LEPROT: variants seen among roughly 807,000 people sequenced by gnomAD.
LEPROT encodes leptin receptor overlapping transcript, also known as leptin receptor gene-related protein.
In LEPROT, 3 loss-of-function variants were observed where a neutral mutation model predicts 15.4. The observed-to-expected ratio is 0.19, with a 90% CI of 0.09 to 0.50. The LOEUF (loss-of-function observed/expected upper bound fraction) is 0.50, where lower values mean the gene tolerates loss of function less well. Among genes scored for constraint, LEPROT ranks in the 20% least tolerant of loss-of-function variants. The pLI, the probability that LEPROT is intolerant of heterozygous loss-of-function variation, is 0.97. For synonymous variants in LEPROT, 59 were observed against 57.5 expected (o/e 1.03, Z -0.12); for missense variants, 137 against 162.2 (o/e 0.84, Z 0.84).
intron 1 of LEPROT, chr1:65,421,602 A>T: frequency 1.1e-6 from 1 of 915,298 alleles, no homozygotes; most frequent in Non-Finnish European, 1.7e-6. Flanking sequence ...TATATATACG[A>T]GTACGCCTCT....
rs915418942 is a variant in LEPROT at position 65,432,030 on chromosome 1, C to T, written c.*111C>T. On this transcript the variant is annotated 3_prime_UTR_variant, in exon 4 of 4. Transcript: ENST00000371065. ...TTTAATATGCTGGGTTTTTTAATAC[C>T]TTTATATATCATGTTCACTTTAAGA... 2 of 1,435,234 alleles carry T rather than the reference C, an allele frequency of 1.4e-6. No homozygotes were observed. Among genetic ancestry groups the T allele is most frequent in the Admixed American group, 2.7e-5 (1 of 36,494 alleles). 88.9% of individuals were successfully genotyped at this position (1,435,234 alleles called of 1,614,324 possible).
intron 1 of LEPROT, among the ~76,000 whole-genome samples, chr1:65,425,030 G>A (rs544465489): frequency 1.3e-5 from 2 of 152,204 alleles, no homozygotes; most frequent in South Asian, 4.1e-4. Flanking sequence ...TTGAATTTGG[G>A]ACCTTTTTTT....
At chr1:65,424,512 G>C (rs563939538) in intron 1 of LEPROT, among the ~76,000 whole-genome samples, 1 of 151,672 alleles carries the variant, frequency 6.6e-6, no homozygotes, top group African/African-American at 2.4e-5. Context: ...ATAGGGGTTA[G>C]GTACTGGAAT....
chr1:65,430,995 A>G (rs1201686324), intron 3 of LEPROT, among the ~76,000 whole-genome samples: 2 of 152,194 alleles, frequency 1.3e-5, no homozygotes, highest in African/African-American at 4.8e-5. Context: ...AGAAGAATCC[A>G]GTGTGGTAGA....
chr1:65,432,724 A>AT lies in LEPROT; in HGVS notation c.*814dup, dbSNP rs771686222. On this transcript the variant is annotated 3_prime_UTR_variant, in exon 4 of 4. Transcript: ENST00000371065. ...GCCTCAGTTAGGAGGAATAAGTGTG[A>AT]TTTTTTTTTAAAGATCACTTGCACA... is the stretch of plus-strand genomic sequence containing the variant. 9.1e-4 allele frequency: 713 copies of AT among 779,578 alleles called. 1 individual carries two copies. Among genetic ancestry groups the AT allele is most frequent in the Non-Finnish European group, 9.9e-4 (635 of 642,714 alleles). 48.3% of individuals were successfully genotyped at this position (779,578 alleles called of 1,614,324 possible).
chr1:65,434,812 C>T lies in LEPROT; in HGVS notation c.*2893C>T. ...CTCCATCCTCCCTCCTGAGGTTCTT[C>T]ATATTCCAGAGTCACCCACCCTTCT... is the stretch of plus-strand genomic sequence containing the variant. On this transcript the variant is annotated 3_prime_UTR_variant, in exon 4 of 4. Coordinates refer to ENST00000371065, the MANE Select transcript of LEPROT (RefSeq NM_017526.5). 1.0e-6 allele frequency: 1 copy of T among 985,568 alleles called. No individual in the cohort carries two copies. The highest frequency in any genetic ancestry group is 1.2e-6 in the Non-Finnish European group (1 of 829,988). The allele number at this position is 985,568 out of a possible 1,614,324, so 61.1% of individuals were successfully genotyped here.
chr1:65,425,688 G>C (rs538652401), intron 2 of LEPROT, among the ~76,000 whole-genome samples: 1 of 152,306 alleles, frequency 6.6e-6, no homozygotes, highest in Admixed American at 6.5e-5. Context: ...ACAGGCAAAC[G>C]GTCTAGTCAG....
Position 65,432,633 on chromosome 1 carries a change from A to G in LEPROT, c.*714A>G, listed in dbSNP as rs1213755948. 9.1e-6 allele frequency: 9 copies of G among 985,062 alleles called. No individual in the cohort carries two copies. The South Asian group carries it at 2.4e-4, about 26-fold the overall frequency. The allele number at this position is 985,062 out of a possible 1,614,324, so 61.0% of individuals were successfully genotyped here. A position where few individuals can be genotyped will look rare whatever the true frequency, so the allele number is the denominator to read the frequency against. On this transcript the variant is annotated 3_prime_UTR_variant, in exon 4 of 4. Coordinates refer to ENST00000371065, the MANE Select transcript of LEPROT (RefSeq NM_017526.5). ...AAGTTCAGATGTTCAAGCCTATAAT[A>G]TTTAGGCAGTTCCTCAAATTTATGA... is the stretch of plus-strand genomic sequence containing the variant.
In LEPROT at chr1:65,434,132, G is replaced by A. The variant is rs1185388154; in HGVS notation, c.*2213G>A. On this transcript the variant is annotated 3_prime_UTR_variant, in exon 4 of 4. Coordinates refer to ENST00000371065, the MANE Select transcript of LEPROT (RefSeq NM_017526.5). Reference sequence around the variant, plus strand: ...ATCTTTAGATTGATATAAAGTACTTGCATATAGAGTATTTGAAGTGATAGA... The same window carrying A: ...ATCTTTAGATTGATATAAAGTACTTACATATAGAGTATTTGAAGTGATAGA... 4.1e-6 allele frequency: 4 copies of A among 983,832 alleles called. No homozygotes were observed. The highest frequency in any genetic ancestry group is 6.2e-5 in the Admixed American group (1 of 16,254). 60.9% of individuals were successfully genotyped at this position (983,832 alleles called of 1,614,324 possible).
In LEPROT at chr1:65,434,519, T is replaced by C. The variant is rs758473162; in HGVS notation, c.*2600T>C. 16 of 985,068 alleles carry C rather than the reference T, an allele frequency of 1.6e-5. No homozygotes were observed. The highest frequency in any genetic ancestry group is 1.8e-5 in the Non-Finnish European group (15 of 829,640). 61.0% of individuals were successfully genotyped at this position (985,068 alleles called of 1,614,324 possible). ...ACAATACTATGAATTGGTGATTGAG[T>C]TCCCAGGCCAAGCCTCCCTCAACAG... On this transcript the variant is annotated 3_prime_UTR_variant, in exon 4 of 4. Transcript: ENST00000371065.
chr1:65,429,719 A>G (rs1360861755), intron 2 of LEPROT, 143 bp from the exon 3 acceptor site: 3 of 669,972 alleles, frequency 4.5e-6, no homozygotes, highest in Non-Finnish European at 6.9e-6. Flanking sequence ...GGTAGAAATC[A>G]TCTTATGTTC....
In LEPROT at chr1:65,432,050, T is replaced by C; in HGVS notation, c.*131T>C. On this transcript the variant is annotated 3_prime_UTR_variant, in exon 4 of 4. Transcript: ENST00000371065. Reference sequence around the variant, plus strand: ...AATACCTTTATATATCATGTTCACTTTAAGAAAGACTTCATAAGTAGGAGA... The same window carrying C: ...AATACCTTTATATATCATGTTCACTCTAAGAAAGACTTCATAAGTAGGAGA... 7.2e-7 allele frequency: 1 copy of C among 1,381,364 alleles called. No individual in the cohort carries two copies. Among genetic ancestry groups the C allele is most frequent in the Non-Finnish European group, 9.4e-7 (1 of 1,068,030 alleles). The allele number at this position is 1,381,364 out of a possible 1,614,324, so 85.6% of individuals were successfully genotyped here.
chr1:65,432,822 A>G lies in LEPROT; in HGVS notation c.*903A>G. 1.6e-6 allele frequency: 1 copy of G among 610,978 alleles called. No individual in the cohort carries two copies. The highest frequency in any genetic ancestry group is 2.0e-6 in the Non-Finnish European group (1 of 488,198). The allele number at this position is 610,978 out of a possible 1,614,324, so 37.8% of individuals were successfully genotyped here. ...GAGAGTAAATTTCTAATGTTCTCATAAAAAAGTTAAATATTTGAGATCATA... is the reference window on the plus strand; with the variant it reads ...GAGAGTAAATTTCTAATGTTCTCATGAAAAAGTTAAATATTTGAGATCATA... On this transcript the variant is annotated 3_prime_UTR_variant, in exon 4 of 4. Transcript: ENST00000371065.
At chr1:65,426,411 G>C (rs1454695174) in intron 2 of LEPROT, among the ~76,000 whole-genome samples, 1 of 152,064 alleles carries the variant, frequency 6.6e-6, no homozygotes. Context: ...AATAGAACCT[G>C]GGAAAATATC....
chr1:65,431,827 G>T lies in LEPROT; in HGVS notation c.304G>T (p.Val102Leu). Reference protein sequence around the residue: ...AVIKWGACGLVLAGNAVIFLT... With the variant: ...AVIKWGACGLLLAGNAVIFLT... ...GATCAAATGGGGAGCCTGCGGCCTT[G>T]TGTTGGCAGGCAATGCAGTCATTTT... The change falls in exon 4 of 4, where the codon GTG becomes TTG. Residue 102 changes from valine (V) to leucine (L), a missense_variant. Physicochemically the swap from Val to Leu is conservative, Grantham distance 32 (BLOSUM62 1). Coordinates refer to ENST00000371065, the MANE Select transcript of LEPROT (RefSeq NM_017526.5). 1 of 1,613,820 alleles carries T rather than the reference G, an allele frequency of 6.2e-7. No homozygotes were observed. Among genetic ancestry groups the T allele is most frequent in the Non-Finnish European group, 8.5e-7 (1 of 1,179,866 alleles).
Position 65,432,834 on chromosome 1 carries a change from T to C in LEPROT, c.*915T>C. On this transcript the variant is annotated 3_prime_UTR_variant, in exon 4 of 4. Transcript: ENST00000371065. The stretch of plus-strand genomic sequence containing the variant: ...CTAATGTTCTCATAAAAAAGTTAAA[T>C]ATTTGAGATCATATGTTAATTAGTG... The C allele has an allele frequency of 1.6e-6, 1 of 642,424 alleles. No individual in the cohort carries two copies. The highest frequency in any genetic ancestry group is 1.9e-6 in the Non-Finnish European group (1 of 516,868). 39.8% of individuals were successfully genotyped at this position (642,424 alleles called of 1,614,324 possible). A position where few individuals can be genotyped will look rare whatever the true frequency, so the allele number is the denominator to read the frequency against.
chr1:65,432,470 A>C lies in LEPROT; in HGVS notation c.*551A>C, dbSNP rs1411962103. 1.7e-6 allele frequency: 1 copy of C among 600,982 alleles called. No individual in the cohort carries two copies. The highest frequency in any genetic ancestry group is 2.0e-5 in the African/African-American group (1 of 49,682). The allele number at this position is 600,982 out of a possible 1,614,324, so 37.2% of individuals were successfully genotyped here. Reference sequence around the variant, plus strand: ...GTTGTATGCACATGAAAGTTTGAGAAGCATCATCATAGAGAAGTAAACATC... The same window carrying C: ...GTTGTATGCACATGAAAGTTTGAGACGCATCATCATAGAGAAGTAAACATC... On this transcript the variant is annotated 3_prime_UTR_variant, in exon 4 of 4. Coordinates refer to ENST00000371065, the MANE Select transcript of LEPROT (RefSeq NM_017526.5).
In LEPROT at chr1:65,434,556, A is replaced by G. The variant is rs185071435; in HGVS notation, c.*2637A>G. 4.5e-4 allele frequency: 440 copies of G among 985,296 alleles called. No individual in the cohort carries two copies. The highest frequency in any genetic ancestry group is 5.0e-4 in the Non-Finnish European group (413 of 829,816). 61.0% of individuals were successfully genotyped at this position (985,296 alleles called of 1,614,324 possible). ...GCCTCCCTCAACAGGTTCAACTCTA[A>G]TATACCTAACCTGTGATACTGAAGG... On this transcript the variant is annotated 3_prime_UTR_variant, in exon 4 of 4. Transcript: ENST00000371065.
intron 1 of LEPROT, among the ~76,000 whole-genome samples, chr1:65,421,959 A>G (rs1646259838): frequency 6.6e-6 from 1 of 152,212 alleles, no homozygotes; most frequent in African/African-American, 2.4e-5. Context: ...TATGCCAGAG[A>G]CTTAGGATAC....
Sources: gnomAD v4.1 joint callset for allele counts (sites outside exome capture counted in the v4.1 genomes callset) on GRCh38, gnomAD v4.1.1 for gene constraint, MANE v1.5 for transcripts, NCBI Gene and HGNC (gene_info 2026-07-23, HGNC 2026-07-21) for gene names.